Variants in RORA observed in about 807,000 individuals in gnomAD.
RORA encodes RAR related orphan receptor A.
A neutral mutation model predicts 69.5 loss-of-function variants in RORA; 7 were observed. The ratio of observed to expected loss-of-function variants is 0.10; its 90% CI spans 0.06 to 0.19. RORA has a LOEUF of 0.19. RORA is among the 10% of genes least tolerant of loss of function. RORA has a pLI of 1.00. For synonymous variants in RORA, 261 were observed against 240.8 expected (o/e 1.08, Z -0.78); for missense variants, 457 against 663.0 (o/e 0.69, Z 3.41).
At chr15:60,587,727 A>G (rs1482680885) in intron 2 of RORA, among the ~76,000 whole-genome samples, 2 of 152,222 alleles carry the variant, frequency 1.3e-5, no homozygotes, top group South Asian at 2.1e-4. Flanking sequence ...AAACCTAGGG[A>G]ATAATCTTGA....
At chr15:61,182,342 T>C (rs903424039) in intron 1 of RORA, among the ~76,000 whole-genome samples, 1 of 152,342 alleles carries the variant, frequency 6.6e-6, no homozygotes, top group East Asian at 1.9e-4. Context: ...TTCAGTGTTG[T>C]TGCCATGATA....
At chr15:60,600,672 C>G (rs1382918302) in intron 2 of RORA, among the ~76,000 whole-genome samples, 1 of 152,096 alleles carries the variant, frequency 6.6e-6, no homozygotes, top group Non-Finnish European at 1.5e-5. Flanking sequence ...CTCTTAAAAT[C>G]TCTTCCTACA....
Position 60,489,050 on chromosome 15 carries a change from C to T in RORA, c.*8405G>A, listed in dbSNP as rs751256640. The T allele has an allele frequency of 5.3e-5, 8 of 152,006 alleles. No individual in the cohort carries two copies. Among genetic ancestry groups the T allele is most frequent in the East Asian group, 1.9e-4 (1 of 5,196 alleles). The allele number at this position is 152,006 out of a possible 1,614,324, so 9.4% of individuals were successfully genotyped here. ...TGACATGTGCTAGCCATTGTGCAGA[C>T]GCAAAAAGATACAATCTCTACCCTC... is the stretch of plus-strand genomic sequence containing the variant. On this transcript the variant is annotated 3_prime_UTR_variant, in exon 11 of 11. Transcript: ENST00000335670.
At chr15:61,166,516 C>T (rs1016769483) in intron 1 of RORA, among the ~76,000 whole-genome samples, 2 of 152,096 alleles carry the variant, frequency 1.3e-5, no homozygotes, top group South Asian at 2.1e-4. Context: ...ACTTTTCAAA[C>T]GTAATTGCAC....
intron 2 of RORA, among the ~76,000 whole-genome samples, chr15:60,651,202 C>T (rs1486469927): frequency 2.6e-5 from 4 of 152,172 alleles, no homozygotes; most frequent in Non-Finnish European, 5.9e-5. Flanking sequence ...TGGAAGTTTT[C>T]TCTTAAACGT....
chr15:60,876,979 G>A (rs1406233089), intron 1 of RORA, among the ~76,000 whole-genome samples: 1 of 152,106 alleles, frequency 6.6e-6, no homozygotes, highest in East Asian at 1.9e-4. Flanking sequence ...AAGAGGGAGA[G>A]GATCAGGAAA....
intron 1 of RORA, among the ~76,000 whole-genome samples, chr15:60,859,262 C>A (rs1291231403): frequency 2.6e-5 from 4 of 152,218 alleles, no homozygotes; most frequent in East Asian, 3.9e-4. Flanking sequence ...CCCCTAAGGA[C>A]AATGGCTTTG....
intron 1 of RORA, among the ~76,000 whole-genome samples, chr15:61,040,022 T>G (rs1179682105): frequency 6.7e-6 from 1 of 148,612 alleles, no homozygotes; most frequent in African/African-American, 2.5e-5. Context: ...GTTTTCCAAT[T>G]ACATTCCTCC....
At chr15:60,828,567 C>T (rs1384122) in intron 1 of RORA, among the ~76,000 whole-genome samples, 92,662 of 152,010 alleles carry the variant, frequency 0.61, 28,556 homozygotes, top group South Asian at 0.8. Context: ...AGCCCCCACA[C>T]AGGGGAGAGT....
At chr15:61,137,843 C>T (rs1357450752) in intron 1 of RORA, among the ~76,000 whole-genome samples, 1 of 152,168 alleles carries the variant, frequency 6.6e-6, no homozygotes, top group East Asian at 1.9e-4. Flanking sequence ...ATAACTATCA[C>T]ACAATCAGTA....
chr15:60,948,274 A>G (rs1892963857), intron 1 of RORA, among the ~76,000 whole-genome samples: 1 of 152,194 alleles, frequency 6.6e-6, no homozygotes, highest in Non-Finnish European at 1.5e-5. Flanking sequence ...GTGTTAAAGA[A>G]GAAAAATAAA....
At chr15:60,621,908 C>T (rs572316083) in intron 2 of RORA, among the ~76,000 whole-genome samples, 12 of 152,072 alleles carry the variant, frequency 7.9e-5, no homozygotes, top group African/African-American at 1.4e-4. Flanking sequence ...ATTAGCCGGG[C>T]GTGGTGGCAG....
intron 3 of RORA, among the ~76,000 whole-genome samples, chr15:60,521,866 T>C (rs1025020003): frequency 6.6e-6 from 1 of 152,202 alleles, no homozygotes; most frequent in African/African-American, 2.4e-5. Context: ...ATCTCTCCAG[T>C]GTTCCTCCCT....
intron 1 of RORA, among the ~76,000 whole-genome samples, chr15:60,994,595 T>G (rs1894472182): frequency 2.0e-5 from 3 of 152,166 alleles, no homozygotes; most frequent in Admixed American, 1.3e-4. Flanking sequence ...GTAGGAGGAT[T>G]TGAGAAGGAG....
chr15:61,221,203 T>G (rs2080092454), intron 1 of RORA, among the ~76,000 whole-genome samples: 1 of 152,254 alleles, frequency 6.6e-6, no homozygotes, highest in Non-Finnish European at 1.5e-5. Context: ...AGTACATGCA[T>G]TTATGTTTTG....
At chr15:60,732,249 A>G (rs971736365) in intron 1 of RORA, among the ~76,000 whole-genome samples, 2 of 152,260 alleles carry the variant, frequency 1.3e-5, no homozygotes, top group African/African-American at 4.8e-5. Context: ...GTAACCATCA[A>G]GGAAAACAGA....
chr15:60,880,464 C>T (rs1341166690), intron 1 of RORA, among the ~76,000 whole-genome samples: 1 of 152,110 alleles, frequency 6.6e-6, no homozygotes, highest in African/African-American at 2.4e-5. Flanking sequence ...CACGGTGAAA[C>T]CCCATCTCTA....
At chr15:60,834,764 A>G (rs2073093488) in intron 1 of RORA, among the ~76,000 whole-genome samples, 1 of 152,140 alleles carries the variant, frequency 6.6e-6, no homozygotes, top group Non-Finnish European at 1.5e-5. Flanking sequence ...TTTTGTTCGC[A>G]TCTGAGAGTG....
At chr15:60,767,000 A>C (rs2072001797) in intron 1 of RORA, among the ~76,000 whole-genome samples, 1 of 152,180 alleles carries the variant, frequency 6.6e-6, no homozygotes, top group Non-Finnish European at 1.5e-5. Context: ...GGCAGCCCAC[A>C]GGTTGTGTAT....
Sources: allele counts gnomAD v4.1 joint callset (sites outside exome capture counted in the v4.1 genomes callset), GRCh38; gene constraint gnomAD v4.1.1; transcripts MANE v1.5; gene names NCBI Gene and HGNC (gene_info 2026-07-23, HGNC 2026-07-21).